Variants in FRAS1 observed in about 807,000 individuals in gnomAD.
FRAS1 encodes the protein Fraser extracellular matrix complex subunit 1.
In FRAS1, 290 loss-of-function variants were observed where a neutral mutation model predicts 435.2. That is an observed-to-expected ratio of 0.67 (90% confidence interval 0.61 to 0.73). The LOEUF (loss-of-function observed/expected upper bound fraction) is 0.73, where lower values mean the gene tolerates loss of function less well. Among genes scored for constraint, FRAS1 ranks in the 30% least tolerant of loss-of-function variants. FRAS1 has a pLI of 0.00. For missense variants in FRAS1, 4,860 were observed against 5,001.5 expected, an observed-to-expected ratio of 0.97 and a Z score of 0.85; for synonymous variants, 1,800 against 1,851.0, an observed-to-expected ratio of 0.97 and a Z score of 0.71.
intron 70 of FRAS1, 54 bp from the exon 71 acceptor site, chr4:78,534,395 A>G (rs1374145414): frequency 1.3e-6 from 2 of 1,494,348 alleles, no homozygotes; most frequent in Non-Finnish European, 9.2e-7. Flanking sequence ...CTCAAATGAC[A>G]TATGCAAAGC....
intron 2 of FRAS1, among the ~76,000 whole-genome samples, chr4:78,217,849 C>CCCCTCCCCTTCCCCTCTCCTCTCTTG (rs1723839797): frequency 1.4e-5 from 1 of 72,624 alleles, no homozygotes; most frequent in Non-Finnish European, 2.8e-5. Context: ...CTCCTCTCTT[C>CCCCTCCCCTTCCCCTCTCCTCTCTTG]CCCTCCCCTT....
intron 2 of FRAS1, among the ~76,000 whole-genome samples, chr4:78,166,844 G>C (rs1341006250): frequency 6.6e-6 from 1 of 152,060 alleles, no homozygotes; most frequent in East Asian, 1.9e-4. Context: ...TAAACCCCTA[G>C]TACATGCTCC....
intron 2 of FRAS1, among the ~76,000 whole-genome samples, chr4:78,173,022 AGAAGAT>A (rs1205150585): frequency 1.3e-5 from 2 of 152,240 alleles, no homozygotes; most frequent in Admixed American, 1.3e-4. Flanking sequence ...ATGTTATTTT[AGAAGAT>A]GGGTGCGAAT....
chr4:78,140,878 C>G (rs1434572713), intron 2 of FRAS1, among the ~76,000 whole-genome samples: 4 of 151,768 alleles, frequency 2.6e-5, no homozygotes, highest in Non-Finnish European at 5.9e-5. Context: ...GTGATATAAA[C>G]TACTAGCAAA....
At chr4:78,440,017 C>CTTTTTTTTT (rs1163344254) in intron 40 of FRAS1, among the ~76,000 whole-genome samples, 2 of 93,034 alleles carry the variant, frequency 2.1e-5, no homozygotes, top group Non-Finnish European at 4.1e-5. Context: ...TAAGTCATTT[C>CTTTTTTTTT]TTTTTTTTTT....
intron 31 of FRAS1, among the ~76,000 whole-genome samples, chr4:78,408,084 G>T (rs574026460): frequency 6.6e-6 from 1 of 152,170 alleles, no homozygotes; most frequent in African/African-American, 2.4e-5. Context: ...AGTGGAAAGC[G>T]AAAGACATGT....
At chr4:78,509,079 A>G (rs1322929641) in intron 63 of FRAS1, 73 bp downstream of exon 63, 16 of 1,523,654 alleles carry the variant, frequency 1.1e-5, no homozygotes, top group Non-Finnish European at 1.4e-5. Context: ...TACTCAGATA[A>G]TCAAATTCCT....
At chr4:78,175,163 A>C (rs1226763850) in intron 2 of FRAS1, among the ~76,000 whole-genome samples, 4 of 152,188 alleles carry the variant, frequency 2.6e-5, no homozygotes, top group African/African-American at 9.7e-5. Context: ...CATCGCCTGG[A>C]GGCTACTTTT....
rs982140553 is a variant in FRAS1, at chr4:78,542,778, G to A, written c.*1654G>A. On this transcript the variant is annotated 3_prime_UTR_variant, in exon 74 of 74. Coordinates refer to ENST00000512123, the MANE Select transcript of FRAS1 (RefSeq NM_025074.7). ...TGAATGAATGAATGGTGTCATGGGT[G>A]AATGATGGGGAGTAAATTTAGGAAG... 3.3e-5 allele frequency: 5 copies of A among 152,504 alleles called. No individual in the cohort carries two copies. Among genetic ancestry groups the A allele is most frequent in the African/African-American group, 1.2e-4 (5 of 41,436 alleles). The allele number at this position is 152,504 out of a possible 1,614,324, so 9.4% of individuals were successfully genotyped here.
At chr4:78,357,465 G>C (rs555253912) in intron 20 of FRAS1, among the ~76,000 whole-genome samples, 6 of 152,286 alleles carry the variant, frequency 3.9e-5, no homozygotes, top group African/African-American at 1.4e-4. Context: ...TTCCATAAGA[G>C]GGGCAGGCAG....
chr4:78,101,765 G>A (rs1354965178), intron 2 of FRAS1, among the ~76,000 whole-genome samples: 3 of 152,168 alleles, frequency 2.0e-5, no homozygotes, highest in Non-Finnish European at 4.4e-5. Context: ...ATGGCAGAAT[G>A]AGGAGAAGAA....
rs755798048 is a variant in FRAS1 at position 78,507,419 on chromosome 4, A to T, written c.9317-2A>T. On this transcript the variant is annotated splice_acceptor_variant, in intron 61 of 73. Coordinates refer to ENST00000512123, the MANE Select transcript of FRAS1 (RefSeq NM_025074.7). LOFTEE classifies it high-confidence loss of function. ...TCTCTTTTTGTTCTGTCCTTGGCGA[A>T]GGTGTGGATCATATCTTTTTTAAAG... is the stretch of plus-strand genomic sequence containing the variant. 6.2e-7 allele frequency: 1 copy of T among 1,606,922 alleles called. No homozygotes were observed. Among genetic ancestry groups the T allele is most frequent in the Non-Finnish European group, 8.5e-7 (1 of 1,177,496 alleles).
At chr4:78,146,617 C>T (rs1239867055) in intron 2 of FRAS1, among the ~76,000 whole-genome samples, 1 of 152,146 alleles carries the variant, frequency 6.6e-6, no homozygotes, top group Admixed American at 6.6e-5. Context: ...TCTATGTCCA[C>T]TACCTTCCCA....
At chr4:78,148,656 G>A (rs926941807) in intron 2 of FRAS1, among the ~76,000 whole-genome samples, 2 of 152,162 alleles carry the variant, frequency 1.3e-5, no homozygotes, top group Non-Finnish European at 2.9e-5. Context: ...AAAGCACCAA[G>A]TTCCCCATGT....
At chr4:78,142,748 GAA>G (rs1206784328) in intron 2 of FRAS1, among the ~76,000 whole-genome samples, 2 of 152,150 alleles carry the variant, frequency 1.3e-5, no homozygotes, top group African/African-American at 2.4e-5. Context: ...TTAAATGGAG[GAA>G]AAGTGTTCTA....
At chr4:78,515,270 A>G (rs1721170314) in intron 65 of FRAS1, among the ~76,000 whole-genome samples, 1 of 151,476 alleles carries the variant, frequency 6.6e-6, no homozygotes, top group South Asian at 2.1e-4. Flanking sequence ...CTTTCCCCCG[A>G]CAAGAGTTCA....
In FRAS1 at chr4:78,439,218, A is replaced by G. The variant is rs554315230; in HGVS notation, c.5529+154A>G. Among the ~76,000 whole-genome samples the G allele has an allele frequency of 4.6e-4, 70 of 152,334 alleles. 4 individuals are homozygous for G. In the South Asian group the frequency reaches 0.014, roughly 31 times the overall value. On this transcript the variant is annotated intron_variant, in intron 40 of 73. Coordinates refer to ENST00000512123, the MANE Select transcript of FRAS1 (RefSeq NM_025074.7). ...AAGATATGCATGGTTTTCAATCATGAGTGTTTTTTTAAGTATGAAAATAAA... is the reference window on the plus strand; with the variant it reads ...AAGATATGCATGGTTTTCAATCATGGGTGTTTTTTTAAGTATGAAAATAAA...
intron 50 of FRAS1, among the ~76,000 whole-genome samples, chr4:78,467,614 G>C (rs193061828): frequency 1.1e-3 from 167 of 152,272 alleles, no homozygotes; most frequent in Non-Finnish European, 2.0e-3. Context: ...GGATTGTATG[G>C]TAGCTCTATT....
At chr4:78,209,491 G>A (rs1723414184) in intron 2 of FRAS1, among the ~76,000 whole-genome samples, 2 of 152,144 alleles carry the variant, frequency 1.3e-5, no homozygotes, top group South Asian at 4.1e-4. Context: ...GCTCTTTTGG[G>A]TTCTGGAACT....
Sources: gnomAD v4.1 joint callset for allele counts (sites outside exome capture counted in the v4.1 genomes callset) on GRCh38, gnomAD v4.1.1 for gene constraint, MANE v1.5 for transcripts, NCBI Gene and HGNC (gene_info 2026-07-23, HGNC 2026-07-21) for gene names.